ADORA2B: variants seen among roughly 807,000 people sequenced by gnomAD.
The protein encoded by ADORA2B is adenosine A2b receptor.
A neutral mutation model predicts 20.8 loss-of-function variants in ADORA2B; 18 were observed. The ratio of observed to expected loss-of-function variants is 0.87; its 90% CI spans 0.60 to 1.29. The LOEUF (loss-of-function observed/expected upper bound fraction) is 1.29. Ranked by LOEUF, ADORA2B falls within the 50% of genes most tolerant of loss-of-function variation. The pLI, the probability that ADORA2B is intolerant of heterozygous loss-of-function variation, is 0.00. For synonymous variants in ADORA2B, 179 were observed against 178.3 expected, an observed-to-expected ratio of 1.00 and a Z score of -0.03; for missense variants, 441 against 422.7, an observed-to-expected ratio of 1.04 and a Z score of -0.38.
At chr17:15,950,245 G>A (rs536617716) in intron 1 of ADORA2B, among the ~76,000 whole-genome samples, 2 of 152,298 alleles carry the variant, frequency 1.3e-5, no homozygotes, top group African/African-American at 4.8e-5. Context: ...ATGAAGGATG[G>A]CCACCAGAAG....
the ADORA2B span, among the ~76,000 whole-genome samples, chr17:15,859,613 G>A: frequency 6.6e-6 from 1 of 151,998 alleles, no homozygotes; most frequent in African/African-American, 2.4e-5. Context: ...AGACAATCTT[G>A]AAAGGTTTAT....
chr17:15,910,832 C>T, the ADORA2B span, among the ~76,000 whole-genome samples: 1 of 152,170 alleles, frequency 6.6e-6, no homozygotes, highest in Non-Finnish European at 1.5e-5. Context: ...GGCATCTGGG[C>T]TCTGCAGGTC....
rs976178640 is a variant in ADORA2B, at chr17:15,945,189, G to A, written c.-60G>A. ...TGGCCATGCCCGGCGGGTCTCACGC[G>A]GCTGCCCCTCGCCCGGCGCGCCTTC... On this transcript the variant is annotated 5_prime_UTR_variant, in exon 1 of 2. Coordinates refer to ENST00000304222, the MANE Select transcript of ADORA2B (RefSeq NM_000676.4). The A allele has an allele frequency of 1.2e-4, 156 of 1,350,058 alleles. No homozygotes were observed. In the African/African-American group the frequency reaches 2.2e-3, roughly 19 times the overall value. The allele number at this position is 1,350,058 out of a possible 1,614,324, so 83.6% of individuals were successfully genotyped here. A position where few individuals can be genotyped will look rare whatever the true frequency, so the allele number is the denominator to read the frequency against.
At chr17:15,948,441 G>A (rs192666546) in intron 1 of ADORA2B, among the ~76,000 whole-genome samples, 1,480 of 108,442 alleles carry the variant, frequency 0.014, 12 homozygotes, top group Non-Finnish European at 0.023. Context: ...GGGAGTGGGC[G>A]TGTAGCTCCT....
At chr17:15,864,676 C>G in the ADORA2B span, among the ~76,000 whole-genome samples, 1 of 152,042 alleles carries the variant, frequency 6.6e-6, no homozygotes, top group African/African-American at 2.4e-5. Context: ...CAATGGTTGT[C>G]TTGAGTAATG....
the ADORA2B span, among the ~76,000 whole-genome samples, chr17:15,878,080 A>G: frequency 2.0e-5 from 3 of 151,696 alleles, no homozygotes; most frequent in Non-Finnish European, 4.4e-5. Context: ...TTTCATTGCT[A>G]TCTGCCTGGA....
the ADORA2B span, among the ~76,000 whole-genome samples, chr17:15,872,886 AC>A: frequency 6.6e-6 from 1 of 152,044 alleles, no homozygotes. Flanking sequence ...CAATCCGGAT[AC>A]CCTTTATTTA....
intron 1 of ADORA2B, among the ~76,000 whole-genome samples, chr17:15,971,822 G>A (rs1240219457): frequency 2.6e-5 from 4 of 151,912 alleles, no homozygotes; most frequent in South Asian, 2.1e-4. Flanking sequence ...TAGGAGAGAC[G>A]GGGTTTCACC....
chr17:15,907,419 G>A, the ADORA2B span, among the ~76,000 whole-genome samples: 4 of 152,176 alleles, frequency 2.6e-5, no homozygotes, highest in South Asian at 2.1e-4. Context: ...CTGGCTTTAC[G>A]TCAGGATCCT....
the ADORA2B span, among the ~76,000 whole-genome samples, chr17:15,887,633 G>A: frequency 6.2e-5 from 8 of 128,222 alleles, 2 homozygotes; most frequent in Non-Finnish European, 1.1e-4. Context: ...AGTGGGTTTA[G>A]GAGGTCTGCA....
intron 1 of ADORA2B, among the ~76,000 whole-genome samples, chr17:15,958,143 C>T (rs1442846948): frequency 2.0e-5 from 3 of 152,044 alleles, no homozygotes; most frequent in Admixed American, 6.5e-5. Context: ...CTCAGCCTCG[C>T]GAGTAGCTGG....
At chr17:15,864,618 G>C in the ADORA2B span, among the ~76,000 whole-genome samples, 1 of 152,258 alleles carries the variant, frequency 6.6e-6, no homozygotes, top group African/African-American at 2.4e-5. Context: ...GGGCTGGGCA[G>C]GGTAGAGAAC....
the ADORA2B span, among the ~76,000 whole-genome samples, chr17:15,894,551 C>G: frequency 6.6e-6 from 1 of 152,222 alleles, no homozygotes; most frequent in African/African-American, 2.4e-5. Flanking sequence ...GGGGCAGGGC[C>G]TGCAGAGCTT....
chr17:15,900,659 A>G, the ADORA2B span, among the ~76,000 whole-genome samples: 3 of 151,884 alleles, frequency 2.0e-5, no homozygotes, highest in Non-Finnish European at 2.9e-5. Context: ...CATGTTGCCT[A>G]GGCTGGTCTT....
At chr17:15,887,581 C>T in the ADORA2B span, among the ~76,000 whole-genome samples, 1 of 129,126 alleles carries the variant, frequency 7.7e-6, no homozygotes, top group Admixed American at 7.6e-5. Context: ...ATGAGCATGG[C>T]GCCTGCAGCT....
chr17:15,960,001 C>T (rs796395805), intron 1 of ADORA2B, among the ~76,000 whole-genome samples: 41 of 152,298 alleles, frequency 2.7e-4, no homozygotes, highest in African/African-American at 8.9e-4. Flanking sequence ...CATTTTCCTC[C>T]GGGCACGGTG....
the ADORA2B span, among the ~76,000 whole-genome samples, chr17:15,874,042 G>GTGTATATA: frequency 7.4e-6 from 1 of 134,824 alleles, no homozygotes; most frequent in African/African-American, 3.2e-5. Flanking sequence ...ATATATATGT[G>GTGTATATA]TATATATATA....
chr17:15,886,286 C>T, the ADORA2B span, among the ~76,000 whole-genome samples: 3 of 103,146 alleles, frequency 2.9e-5, no homozygotes, highest in East Asian at 2.1e-4. Flanking sequence ...TCCTGCCTCC[C>T]GTACACCCCA....
the ADORA2B span, among the ~76,000 whole-genome samples, chr17:15,911,521 C>T: frequency 6.6e-6 from 1 of 152,152 alleles, no homozygotes; most frequent in Middle Eastern, 3.2e-3. Context: ...GTTGTGGTTT[C>T]CCTCCTTCCA....
Sources: gnomAD v4.1 joint callset for allele counts (sites outside exome capture counted in the v4.1 genomes callset) on GRCh38, gnomAD v4.1.1 for gene constraint, MANE v1.5 for transcripts, NCBI Gene and HGNC (gene_info 2026-07-23, HGNC 2026-07-21) for gene names.